The following CA10 variants were observed in gnomAD, a reference collection of about 807,000 sequenced individuals.
The protein encoded by CA10 is carbonic anhydrase-related protein 10.
A neutral mutation model predicts 44.2 loss-of-function variants in CA10; 14 were observed. The ratio of observed to expected loss-of-function variants is 0.32; its 90% CI spans 0.21 to 0.50. CA10 has a LOEUF of 0.50. CA10 is among the 20% of genes least tolerant of loss of function. The probability of loss-of-function intolerance (pLI) is 0.99; values close to 1 mark genes in which losing one functional copy is unlikely to be tolerated. For missense variants in CA10, 350 were observed against 409.7 expected, an observed-to-expected ratio of 0.85 and a Z score of 1.26; for synonymous variants, 159 against 141.6, an observed-to-expected ratio of 1.12 and a Z score of -0.87.
intron 4 of CA10, among the ~76,000 whole-genome samples, chr17:51,689,303 G>A (rs1409242780): frequency 1.3e-5 from 2 of 152,216 alleles, no homozygotes; most frequent in African/African-American, 2.4e-5. Context: ...AAGGCTTAGC[G>A]AGGCTAAATA....
At chr17:51,699,010 T>C (rs370061920) in intron 4 of CA10, among the ~76,000 whole-genome samples, 12 of 152,104 alleles carry the variant, frequency 7.9e-5, no homozygotes, top group African/African-American at 2.4e-4. Context: ...AGTGCCAATA[T>C]CTGTTCAGGA....
intron 3 of CA10, among the ~76,000 whole-genome samples, chr17:51,836,107 C>G (rs1228971345): frequency 1.3e-5 from 2 of 152,242 alleles, no homozygotes; most frequent in East Asian, 3.9e-4. Context: ...CATCAATATA[C>G]CTGTCAGTGC....
At chr17:52,094,228 T>C (rs1021186787) in intron 1 of CA10, among the ~76,000 whole-genome samples, 2 of 151,826 alleles carry the variant, frequency 1.3e-5, no homozygotes, top group African/African-American at 4.8e-5. Flanking sequence ...CCATGGCACA[T>C]GTATACCTAT....
intron 1 of CA10, among the ~76,000 whole-genome samples, chr17:52,104,752 T>A (rs1345874262): frequency 6.6e-6 from 1 of 152,228 alleles, no homozygotes; most frequent in East Asian, 1.9e-4. Context: ...TCCCAAGTCC[T>A]AAGCACTGAC....
chr17:51,662,589 G>A (rs1056590346), intron 4 of CA10, among the ~76,000 whole-genome samples: 6 of 152,196 alleles, frequency 3.9e-5, no homozygotes, highest in African/African-American at 1.4e-4. Context: ...TTTATAGAAA[G>A]TCATTAACAA....
At chr17:52,014,950 T>C (rs573289836) in intron 2 of CA10, among the ~76,000 whole-genome samples, 5 of 152,154 alleles carry the variant, frequency 3.3e-5, no homozygotes, top group South Asian at 4.1e-4. Flanking sequence ...TTATACAATA[T>C]AATCCTTAAG....
At chr17:51,655,919 C>T (rs192186910) in intron 4 of CA10, among the ~76,000 whole-genome samples, 5 of 152,310 alleles carry the variant, frequency 3.3e-5, no homozygotes, top group Admixed American at 1.3e-4. Flanking sequence ...GAAAGGCAAC[C>T]GCAGGCCAGG....
In CA10 at chr17:51,905,083, G is replaced by A. The variant is rs112453182; in HGVS notation, c.279+25907C>T. Among the ~76,000 whole-genome samples the A allele has an allele frequency of 5.2e-3, 788 of 152,220 alleles. 10 individuals carry two copies. The highest frequency in any genetic ancestry group is 0.018 in the African/African-American group (752 of 41,532). ...CATACAAGAATTTCAACCATCAAAG[G>A]TGTAAGTAAATTCTCTATATTCTCT... On this transcript the variant is annotated intron_variant, in intron 3 of 8. Coordinates refer to ENST00000451037, the MANE Select transcript of CA10 (RefSeq NM_020178.5).
chr17:52,035,274 G>A (rs1407671561), intron 2 of CA10, among the ~76,000 whole-genome samples: 4 of 152,154 alleles, frequency 2.6e-5, no homozygotes, highest in Non-Finnish European at 5.9e-5. Context: ...TGACTTCAGA[G>A]GGATGGCTTG....
chr17:51,919,824 G>A (rs970917095), intron 3 of CA10, among the ~76,000 whole-genome samples: 1 of 151,970 alleles, frequency 6.6e-6, no homozygotes, highest in East Asian at 1.9e-4. Context: ...GCTAATTTTT[G>A]TAATTTTTTA....
At position 52,072,528 on chromosome 17, in the gene CA10, T is replaced by C. The variant is rs1987706735; in HGVS notation, c.62-135A>G. The C allele has an allele frequency of 1.2e-5, 6 of 490,486 alleles. No homozygotes were observed. The South Asian group carries it at 1.7e-4, about 14-fold the overall frequency. The allele number at this position is 490,486 out of a possible 1,614,324, so 30.4% of individuals were successfully genotyped here. A position where few individuals can be genotyped will look rare whatever the true frequency, so the allele number is the denominator to read the frequency against. ...AAGTCATACTACAACAGAACCTTCC[T>C]TCTCCCTTCCCTTTTTTTTTTCAAA... On this transcript the variant is annotated intron_variant, in intron 1 of 8. Transcript: ENST00000451037.
intron 4 of CA10, among the ~76,000 whole-genome samples, chr17:51,708,793 C>T (rs1408551813): frequency 6.6e-6 from 1 of 152,236 alleles, no homozygotes; most frequent in Non-Finnish European, 1.5e-5. Context: ...TTCTCCTGGG[C>T]TAGATGCTTC....
chr17:52,129,922 G>A (rs1429416181), intron 1 of CA10, among the ~76,000 whole-genome samples: 1 of 152,084 alleles, frequency 6.6e-6, no homozygotes, highest in Non-Finnish European at 1.5e-5. Flanking sequence ...TTGATAAGGG[G>A]TTAATATCCA....
intron 5 of CA10, among the ~76,000 whole-genome samples, chr17:51,651,365 C>T (rs1005528282): frequency 6.6e-6 from 1 of 152,146 alleles, no homozygotes; most frequent in African/African-American, 2.4e-5. Context: ...TTAAATAACT[C>T]ATGGTGGAGT....
At chr17:51,654,803 G>A (rs912819087) in intron 4 of CA10, among the ~76,000 whole-genome samples, 4 of 152,036 alleles carry the variant, frequency 2.6e-5, no homozygotes, top group African/African-American at 4.8e-5. Flanking sequence ...TGATCCACCC[G>A]CCTTGGCCTC....
chr17:52,125,172 G>A lies in CA10; in HGVS notation c.61+32554C>T, dbSNP rs550090604. Among the ~76,000 whole-genome samples the A allele has an allele frequency of 4.6e-5, 7 of 152,348 alleles. No homozygotes were observed. The South Asian group carries it at 1.4e-3, about 32-fold the overall frequency. ...TCTTCTGGAAGCCCGCTGAGTCAGCGTTGGTGTCAGTCTTCCTTGCTGCCT... is the reference window on the plus strand; with the variant it reads ...TCTTCTGGAAGCCCGCTGAGTCAGCATTGGTGTCAGTCTTCCTTGCTGCCT... On this transcript the variant is annotated intron_variant, in intron 1 of 8. Coordinates refer to ENST00000451037, the MANE Select transcript of CA10 (RefSeq NM_020178.5).
intron 3 of CA10, among the ~76,000 whole-genome samples, chr17:51,795,351 T>C (rs896160501): frequency 6.6e-6 from 1 of 152,220 alleles, no homozygotes; most frequent in Non-Finnish European, 1.5e-5. Context: ...AACACAATTC[T>C]GTTCTCACTA....
intron 3 of CA10, among the ~76,000 whole-genome samples, chr17:51,783,633 G>GAGAAAAGAAAAGGAGACA (rs1193658816): frequency 4.6e-5 from 7 of 152,266 alleles, no homozygotes; most frequent in Admixed American, 1.3e-4. Flanking sequence ...GAAAGAAATA[G>GAGAAAAGAAAAGGAGACA]AGAAAAGAAA....
At chr17:51,741,919 A>G (rs1231470074) in intron 4 of CA10, among the ~76,000 whole-genome samples, 3 of 152,260 alleles carry the variant, frequency 2.0e-5, no homozygotes, top group African/African-American at 7.2e-5. Flanking sequence ...GATTGGGGTC[A>G]GCTAAAAAGG....
Sources: gnomAD v4.1 joint callset for allele counts (sites outside exome capture counted in the v4.1 genomes callset) on GRCh38, gnomAD v4.1.1 for gene constraint, MANE v1.5 for transcripts, NCBI Gene and HGNC (gene_info 2026-07-23, HGNC 2026-07-21) for gene names.